TAFA5: variants seen among roughly 807,000 people sequenced by gnomAD.
TAFA5 encodes the protein TAFA chemokine like family member 5, also known as chemokine-like protein TAFA-5.
A neutral mutation model predicts 15.3 loss-of-function variants in TAFA5; 6 were observed. The observed-to-expected ratio is 0.39, with a 90% CI of 0.21 to 0.77. The LOEUF (loss-of-function observed/expected upper bound fraction) is 0.77. TAFA5 is among the 30% of genes least tolerant of loss of function. The pLI, the probability that TAFA5 is intolerant of heterozygous loss-of-function variation, is 0.41. For missense variants in TAFA5, 161 were observed against 193.1 expected, an observed-to-expected ratio of 0.83 and a Z score of 0.98; for synonymous variants, 103 against 80.7, an observed-to-expected ratio of 1.28 and a Z score of -1.48.
chr22:48,688,992 GAAA>G (rs78797172), intron 2 of TAFA5, among the ~76,000 whole-genome samples: 3 of 82,556 alleles, frequency 3.6e-5, no homozygotes, highest in Admixed American at 1.4e-4. Flanking sequence ...ACTTGTCTCG[GAAA>G]AAAAAAAAAA....
rs568227534 is a variant in TAFA5 at position 48,535,565 on chromosome 22, T to C, written c.112+45861T>C. ...TGCCTTTGTGTGCGCACAAGCTGTGTGGGTATATGCATATGTGTAGATGCA... is the reference window on the plus strand; with the variant it reads ...TGCCTTTGTGTGCGCACAAGCTGTGCGGGTATATGCATATGTGTAGATGCA... On this transcript the variant is annotated intron_variant, in intron 1 of 3. Coordinates refer to ENST00000402357, the MANE Select transcript of TAFA5 (RefSeq NM_001082967.3). Among the ~76,000 whole-genome samples, 3 of 151,966 alleles carry C rather than the reference T, an allele frequency of 2.0e-5. No individual in the cohort carries two copies. The East Asian group carries it at 5.8e-4, about 30-fold the overall frequency.
intron 1 of TAFA5, among the ~76,000 whole-genome samples, chr22:48,600,646 C>T (rs537145657): frequency 6.6e-6 from 1 of 152,332 alleles, no homozygotes; most frequent in South Asian, 2.1e-4. Flanking sequence ...GGGTTACATT[C>T]ACCCAACTAT....
At chr22:48,597,515 CCT>C (rs1924811637) in intron 1 of TAFA5, among the ~76,000 whole-genome samples, 1 of 151,736 alleles carries the variant, frequency 6.6e-6, no homozygotes, top group African/African-American at 2.4e-5. Context: ...CTGCCGGTCC[CCT>C]CTGGCTGGTT....
intron 1 of TAFA5, among the ~76,000 whole-genome samples, chr22:48,528,404 G>A (rs1441109575): frequency 1.3e-5 from 2 of 152,120 alleles, no homozygotes; most frequent in Non-Finnish European, 2.9e-5. Flanking sequence ...GCCATAGTGA[G>A]GAGGCACCCC....
intron 1 of TAFA5, among the ~76,000 whole-genome samples, chr22:48,509,179 G>A (rs1601840321): frequency 6.6e-6 from 1 of 152,198 alleles, no homozygotes; most frequent in South Asian, 2.1e-4. Context: ...TCCAGTGTGT[G>A]TGTGGCACCT....
chr22:48,719,649 G>A (rs867854658), intron 3 of TAFA5, among the ~76,000 whole-genome samples: 1 of 152,234 alleles, frequency 6.6e-6, no homozygotes, highest in Admixed American at 6.5e-5. Flanking sequence ...CGCAGGGGTG[G>A]GTACTTGGCC....
intron 2 of TAFA5, among the ~76,000 whole-genome samples, chr22:48,698,128 G>T (rs1490381916): frequency 6.6e-6 from 1 of 151,176 alleles, no homozygotes; most frequent in Non-Finnish European, 1.5e-5. Context: ...TAGCGATGGT[G>T]GTGGTTATGA....
At chr22:48,540,354 G>A (rs1233114532) in intron 1 of TAFA5, among the ~76,000 whole-genome samples, 4 of 152,132 alleles carry the variant, frequency 2.6e-5, no homozygotes, top group African/African-American at 7.2e-5. Context: ...GGAGGGGTGG[G>A]GGAGGCAGAT....
chr22:48,681,706 A>C (rs1269861427), intron 2 of TAFA5, among the ~76,000 whole-genome samples: 1 of 152,070 alleles, frequency 6.6e-6, no homozygotes, highest in East Asian at 1.9e-4. Flanking sequence ...GAAGTTTCCA[A>C]GAGAGGCGCT....
At chr22:48,514,243 A>G (rs1921324251) in intron 1 of TAFA5, among the ~76,000 whole-genome samples, 1 of 152,198 alleles carries the variant, frequency 6.6e-6, no homozygotes, top group South Asian at 2.1e-4. Context: ...CAATTAATGT[A>G]AAATAAGTTT....
intron 1 of TAFA5, among the ~76,000 whole-genome samples, chr22:48,636,913 C>T (rs544978342): frequency 5.3e-5 from 8 of 152,302 alleles, no homozygotes; most frequent in East Asian, 3.9e-4. Context: ...ACGGGACAGG[C>T]GCGGGGCCCT....
chr22:48,617,349 A>G (rs1418319933), intron 1 of TAFA5, among the ~76,000 whole-genome samples: 2 of 151,548 alleles, frequency 1.3e-5, no homozygotes, highest in Non-Finnish European at 2.9e-5. Flanking sequence ...GATTCTCCCC[A>G]GAGACCTTAG....
At chr22:48,512,091 C>T (rs1410038013) in intron 1 of TAFA5, among the ~76,000 whole-genome samples, 2 of 152,174 alleles carry the variant, frequency 1.3e-5, no homozygotes, top group Non-Finnish European at 2.9e-5. Flanking sequence ...CACCCGATTC[C>T]GTGTGTGCCT....
intron 1 of TAFA5, among the ~76,000 whole-genome samples, chr22:48,632,213 C>T (rs542682115): frequency 3.5e-4 from 54 of 152,314 alleles, no homozygotes; most frequent in South Asian, 1.2e-3. Context: ...CTTACCGCCA[C>T]GGGCCCTGCC....
chr22:48,665,776 C>T (rs1041267462), intron 2 of TAFA5, among the ~76,000 whole-genome samples: 1 of 152,176 alleles, frequency 6.6e-6, no homozygotes. Flanking sequence ...CGCTGAAAGC[C>T]GGAGCTGAGA....
intron 1 of TAFA5, among the ~76,000 whole-genome samples, chr22:48,584,404 T>C (rs529544541): frequency 7.3e-6 from 1 of 136,910 alleles, no homozygotes; most frequent in South Asian, 2.4e-4. Flanking sequence ...ACCACACACA[T>C]AGATACACAT....
chr22:48,583,619 C>G (rs1035941269), intron 1 of TAFA5, among the ~76,000 whole-genome samples: 2 of 4,700 alleles, frequency 4.3e-4, no homozygotes, highest in African/African-American at 1.5e-3. Context: ...ACCCCACACA[C>G]GAAATACACC....
At position 48,490,314 on chromosome 22, in the gene TAFA5, G is replaced by C. The variant is rs967299551; in HGVS notation, c.112+610G>C. Among the ~76,000 whole-genome samples, 2 of 152,154 alleles carry C rather than the reference G, an allele frequency of 1.3e-5. No homozygotes were observed. The highest frequency in any genetic ancestry group is 2.1e-4 in the South Asian group (1 of 4,818). On this transcript the variant is annotated intron_variant, in intron 1 of 3. Coordinates refer to ENST00000402357, the MANE Select transcript of TAFA5 (RefSeq NM_001082967.3). This position sits in a 1 kb window ranked among gnomAD's most constrained non-coding sequence, Gnocchi z 5.8. ...CGCCGCGGCCGCGGACGTTTCTCGG[G>C]TCGTGTCTGGGGCCCGAGCTGGTGA...
intron 1 of TAFA5, among the ~76,000 whole-genome samples, chr22:48,534,554 G>C (rs1442206323): frequency 6.6e-6 from 1 of 152,160 alleles, no homozygotes; most frequent in Non-Finnish European, 1.5e-5. Context: ...GAGGGAGGCT[G>C]CAGTTGAGCC....
Sources: allele counts gnomAD v4.1 joint callset (sites outside exome capture counted in the v4.1 genomes callset), GRCh38; gene constraint gnomAD v4.1.1; non-coding constraint Gnocchi (gnomAD v3.1); transcripts MANE v1.5; gene names NCBI Gene and HGNC (gene_info 2026-07-23, HGNC 2026-07-21).